Variants in ATP5PD observed in about 807,000 individuals in gnomAD.
ATP5PD encodes the protein ATP synthase peripheral stalk subunit d, also known as ATP synthase peripheral stalk subunit d, mitochondrial.
ATP5PD carries 13 observed loss-of-function variants against 22.6 expected under a neutral mutation model. The observed-to-expected ratio is 0.58, with a 90% CI of 0.37 to 0.91. ATP5PD has a LOEUF of 0.91. ATP5PD is among the 40% of genes least tolerant of loss of function. ATP5PD has a pLI of 0.00. For synonymous variants in ATP5PD, 51 were observed against 65.0 expected, an observed-to-expected ratio of 0.79 and a Z score of 1.03; for missense variants, 165 against 188.0, an observed-to-expected ratio of 0.88 and a Z score of 0.72.
intron 3 of ATP5PD, chr17:75,041,955 G>T (rs1364094724): frequency 2.2e-6 from 1 of 450,202 alleles, no homozygotes; most frequent in Non-Finnish European, 3.9e-6. Context: ...TGATCAGAAA[G>T]CCCTCTGGCT....
intron 4 of ATP5PD, 95 bp from the exon 5 acceptor site, chr17:75,039,366 C>A: frequency 9.0e-7 from 1 of 1,108,194 alleles, no homozygotes; most frequent in Non-Finnish European, 1.4e-6. Context: ...CTCCTGCTGT[C>A]CTATTGCTCT....
chr17:75,045,191 G>A (rs539992751), intron 1 of ATP5PD, among the ~76,000 whole-genome samples: 18 of 152,146 alleles, frequency 1.2e-4, no homozygotes, highest in Non-Finnish European at 2.4e-4. Context: ...TTTCAAAAGG[G>A]GAGGGAGTAT....
intron 1 of ATP5PD, 89 bp from the exon 2 acceptor site, chr17:75,042,748 A>G (rs1359550203): frequency 1.9e-5 from 25 of 1,293,988 alleles, no homozygotes; most frequent in Middle Eastern, 2.2e-4. Context: ...AAGAGCTCTT[A>G]GAGAGAATCC....
chr17:75,046,582 C>G (rs372510854), intron 1 of ATP5PD, among the ~76,000 whole-genome samples: 2 of 152,230 alleles, frequency 1.3e-5, no homozygotes, highest in African/African-American at 4.8e-5. Flanking sequence ...GAGCGTCCCT[C>G]GGCAGGTTAA....
chr17:75,045,705 T>C (rs920499917), intron 1 of ATP5PD, among the ~76,000 whole-genome samples: 6 of 152,248 alleles, frequency 3.9e-5, no homozygotes, highest in African/African-American at 1.2e-4. Flanking sequence ...CCTGTTCTTT[T>C]TTCAGGGTGC....
intron 1 of ATP5PD, among the ~76,000 whole-genome samples, chr17:75,043,598 TGA>T (rs1171155672): frequency 2.4e-4 from 33 of 136,860 alleles, no homozygotes; most frequent in African/African-American, 9.1e-4. Context: ...GGACACAGAG[TGA>T]GACTCTGTCT....
chr17:75,039,036 A>G lies in ATP5PD; in HGVS notation c.382T>C (p.Phe128Leu). Residue 128 changes from phenylalanine (F) to leucine (L), a missense_variant, in exon 6 of 6, where the codon TTT becomes CTT. Phe to Leu is a conservative substitution (Grantham distance 22). Transcript: ENST00000301587. ...AAGTCCTCAATGGTCATCTGATCAAATGGAATTAAGTTCTTCATCTTCTCC... is the reference window on the plus strand; with the variant it reads ...AAGTCCTCAATGGTCATCTGATCAAGTGGAATTAAGTTCTTCATCTTCTCC... ...EMEKMKNLIPFDQMTIEDLNE... is the reference protein window; with the variant it reads ...EMEKMKNLIPLDQMTIEDLNE... 1 of 1,614,108 alleles carries G rather than the reference A, an allele frequency of 6.2e-7. No individual in the cohort carries two copies. Among genetic ancestry groups the G allele is most frequent in the Non-Finnish European group, 8.5e-7 (1 of 1,180,010 alleles).
chr17:75,039,010 C>T lies in ATP5PD; in HGVS notation c.408G>A (p.Leu136=), dbSNP rs762038335. 6.2e-7 allele frequency: 1 copy of T among 1,614,136 alleles called. No homozygotes were observed. The highest frequency in any genetic ancestry group is 8.5e-7 in the Non-Finnish European group (1 of 1,179,976). ...IPFDQMTIED[L]NEAFPETKLD... ...ATTTGGTTTCTGGGAAAGCTTCATT[C>T]AAGTCCTCAATGGTCATCTGATCAA... Residue 136 remains leucine, a synonymous_variant, in exon 6 of 6, where the codon TTG becomes TTA. Transcript: ENST00000301587.
At chr17:75,043,491 TAGTCCC>T (rs1469145939) in intron 1 of ATP5PD, among the ~76,000 whole-genome samples, 1 of 151,840 alleles carries the variant, frequency 6.6e-6, no homozygotes. Flanking sequence ...CATGCACCTG[TAGTCCC>T]AGGTACTCAA....
chr17:75,040,084 C>T lies in ATP5PD; in HGVS notation c.291+8G>A. ...ATTTTAGAATAAGCAGGAGCCTCAA[C>T]TACTTACATCTTCTTTTTCTTCGGC... is the stretch of plus-strand genomic sequence containing the variant. On this transcript the variant is annotated splice_region_variant and intron_variant, in intron 4 of 5. Coordinates refer to ENST00000301587, the MANE Select transcript of ATP5PD (RefSeq NM_006356.3). The T allele has an allele frequency of 6.2e-7, 1 of 1,613,710 alleles. No homozygotes were observed. The highest frequency in any genetic ancestry group is 8.5e-7 in the Non-Finnish European group (1 of 1,179,860).
At chr17:75,043,870 T>C (rs1214161960) in intron 1 of ATP5PD, among the ~76,000 whole-genome samples, 1 of 152,112 alleles carries the variant, frequency 6.6e-6, no homozygotes, top group East Asian at 1.9e-4. Context: ...CCCAGAGGGC[T>C]GCTAAAAGTG....
At position 75,045,106 on chromosome 17, in the gene ATP5PD, G is replaced by A. The variant is rs192908003; in HGVS notation, c.-10+1819C>T. ...AGAGAAATTTTAAAGCTGGGCGTCC[G>A]GGGGAGACATCACACGTTGGTAGGA... is the stretch of plus-strand genomic sequence containing the variant. On this transcript the variant is annotated intron_variant, in intron 1 of 5. Coordinates refer to ENST00000301587, the MANE Select transcript of ATP5PD (RefSeq NM_006356.3). Among the ~76,000 whole-genome samples the A allele has an allele frequency of 1.7e-3, 258 of 152,242 alleles. 1 individual carries two copies. Among genetic ancestry groups the A allele is most frequent in the African/African-American group, 5.7e-3 (238 of 41,550 alleles).
At chr17:75,043,150 G>A (rs146138726) in intron 1 of ATP5PD, among the ~76,000 whole-genome samples, 37 of 152,344 alleles carry the variant, frequency 2.4e-4, no homozygotes, top group African/African-American at 8.7e-4. Context: ...GAACCCAGGA[G>A]GCAGAGGTTG....
At chr17:75,039,532 T>C (rs987167378) in intron 4 of ATP5PD, 2 of 465,784 alleles carry the variant, frequency 4.3e-6, no homozygotes, top group Non-Finnish European at 7.8e-6. Flanking sequence ...ACCTACAGAA[T>C]GCCTGTTTTC....
At chr17:75,039,497 G>A (rs1029270150) in intron 4 of ATP5PD, 55 of 525,924 alleles carry the variant, frequency 1.0e-4, no homozygotes, top group Non-Finnish European at 2.7e-5. Flanking sequence ...GCACCCGGCT[G>A]CTTCTGCAAG....
intron 4 of ATP5PD, 79 bp from the exon 5 acceptor site, chr17:75,039,350 A>G: frequency 7.8e-7 from 1 of 1,277,326 alleles, no homozygotes; most frequent in South Asian, 1.2e-5. Context: ...GAGTCGTCCC[A>G]GCCCACTCCT....
chr17:75,042,464 C>T (rs557831541), intron 2 of ATP5PD, 65 bp downstream of exon 2: 6 of 1,584,252 alleles, frequency 3.8e-6, no homozygotes, highest in Non-Finnish European at 5.1e-6. Flanking sequence ...TATGTAATTC[C>T]TTAATACTGT....
chr17:75,041,031 G>C (rs930858183), intron 3 of ATP5PD: 4 of 152,040 alleles, frequency 2.6e-5, no homozygotes, highest in African/African-American at 9.7e-5. Flanking sequence ...GAGGAGGATA[G>C]ATGGATGAGA....
intron 2 of ATP5PD, 102 bp from the exon 3 acceptor site, chr17:75,042,379 C>T: frequency 1.3e-6 from 2 of 1,498,484 alleles, no homozygotes; most frequent in East Asian, 2.3e-5. Context: ...AGGGTCACCA[C>T]ACTTTCCTCT....
Sources: allele counts gnomAD v4.1 joint callset (sites outside exome capture counted in the v4.1 genomes callset), GRCh38; gene constraint gnomAD v4.1.1; transcripts MANE v1.5; gene names NCBI Gene and HGNC (gene_info 2026-07-23, HGNC 2026-07-21).